The following KIF21B variants were observed in gnomAD, a reference collection of about 807,000 sequenced individuals.
The protein encoded by KIF21B is kinesin family member 21B, also known as kinesin-like protein KIF21B.
In KIF21B, 85 loss-of-function variants were observed where a neutral mutation model predicts 192.9. That is an observed-to-expected ratio of 0.44 (90% CI 0.37 to 0.53). The LOEUF is 0.53. Ranked by LOEUF, KIF21B falls within the 20% of genes least tolerant of loss-of-function variation. KIF21B has a pLI of 0.00. For missense variants in KIF21B, 1,716 were observed against 2,194.8 expected (o/e 0.78, Z 4.36); for synonymous variants, 832 against 884.6 (o/e 0.94, Z 1.05).
At chr1:201,005,133 C>A (rs1657732155) in intron 5 of KIF21B, among the ~76,000 whole-genome samples, 175 bp downstream of exon 5, 1 of 152,264 alleles carries the variant, frequency 6.6e-6, no homozygotes, top group South Asian at 2.1e-4. Flanking sequence ...ATACAGAGAT[C>A]ATTAAGCCAT....
In KIF21B at chr1:200,974,934, G is replaced by A. The variant is rs747288642; in HGVS notation, c.4615-21C>T. On this transcript the variant is annotated intron_variant, in intron 33 of 34. Transcript: ENST00000461742. ...ATTTGCTGTGAGAGGATCAGGGCTG[G>A]TGAGGGCTGGGGGAGGTGATGAGGG... is the stretch of plus-strand genomic sequence containing the variant. 4 of 1,610,640 alleles carry A rather than the reference G, an allele frequency of 2.5e-6. No individual in the cohort carries two copies. The Admixed American group carries it at 6.7e-5, about 27-fold the overall frequency.
At position 200,998,520 on chromosome 1, in the gene KIF21B, C is replaced by T. The variant is rs1170954194; in HGVS notation, c.1941G>A (p.Gln647=). Residue 647 remains glutamine (Q), a synonymous_variant, in exon 14 of 35, where the codon CAG becomes CAA. Coordinates refer to ENST00000461742, the MANE Select transcript of KIF21B (RefSeq NM_001252102.2). The surrounding 1 kb of genome is among the most constrained non-coding windows in gnomAD (Gnocchi z 4.3). ...ADLTCEIEIK[Q]KLIDELENSQ... ...TGTTCTCCAGCTCGTCGATCAGCTT[C>T]TGCTTGATTTCGATCTCACAAGTCA... The T allele has an allele frequency of 3.1e-6, 5 of 1,613,866 alleles. No individual in the cohort carries two copies. The highest frequency in any genetic ancestry group is 4.2e-6 in the Non-Finnish European group (5 of 1,180,036).
intron 14 of KIF21B, among the ~76,000 whole-genome samples, chr1:200,997,621 T>C (rs1055489011): frequency 3.9e-5 from 6 of 152,158 alleles, no homozygotes; most frequent in Admixed American, 2.0e-4. Flanking sequence ...CGGGCGCTTG[T>C]AGTCCCAGCT....
rs1658988900 is a variant in KIF21B, at chr1:201,023,457, C to A, written c.-74G>T. 28 of 1,173,648 alleles carry A rather than the reference C, an allele frequency of 2.4e-5. 1 individual carries two copies. In the South Asian group the frequency reaches 6.6e-4, roughly 28 times the overall value. The allele number at this position is 1,173,648 out of a possible 1,614,324, so 72.7% of individuals were successfully genotyped here. ...GGGCCAATGCCCGAGGCAGCGGCTG[C>A]GGCTGCGGGAGGCGGGGGCGCGGGC... On this transcript the variant is annotated 5_prime_UTR_variant, in exon 1 of 35. Coordinates refer to ENST00000461742, the MANE Select transcript of KIF21B (RefSeq NM_001252102.2). This position sits in a 1 kb window ranked among gnomAD's most constrained non-coding sequence, Gnocchi z 5.9.
chr1:201,023,372 CT>C lies in KIF21B; in HGVS notation c.11del (p.Gln4ArgfsTer65). ...CGGCCACCTTGACGCAGCAGTCCCC[CT>C]GGCCGGCCATGGCCCTCTGGAGCTA... MAGQGDCCVKVAVR... is the reference protein window; with the variant it reads MAGXGDCCVKVAVR... On this transcript the variant is annotated frameshift_variant, in exon 1 of 35. Transcript: ENST00000461742. LOFTEE classifies it high-confidence loss of function. The surrounding 1 kb of genome is among the most constrained non-coding windows in gnomAD (Gnocchi z 5.9). The C allele has an allele frequency of 6.5e-7, 1 of 1,528,244 alleles. No homozygotes were observed. The highest frequency in any genetic ancestry group is 8.8e-7 in the Non-Finnish European group (1 of 1,140,146). 94.7% of individuals were successfully genotyped at this position (1,528,244 alleles called of 1,614,324 possible).
chr1:201,002,392 C>T lies in KIF21B; in HGVS notation c.1213-42G>A, dbSNP rs758690029. ...AGGGGAGCAGTCAGGCAGCAGAGCT[C>T]GCGGTTGGGGGGGTAAGGGGCTGAT... On this transcript the variant is annotated intron_variant, in intron 8 of 34. Transcript: ENST00000461742. 2.1e-5 allele frequency: 33 copies of T among 1,586,092 alleles called. No homozygotes were observed. In the Admixed American group the frequency reaches 2.8e-4, roughly 14 times the overall value.
In KIF21B at chr1:201,003,695, C is replaced by A; in HGVS notation, c.1103G>T (p.Arg368Leu). ...CACTACCACCTTGTTCTTGATGTTG[C>A]GGGCCCGATTGGCATATTTGAGTGT... ...LNTLKYANRARNIKNKVVVNQ... is the reference protein window; with the variant it reads ...LNTLKYANRALNIKNKVVVNQ... The change falls in exon 8 of 35, where the codon CGC becomes CTC. Residue 368 changes from arginine to leucine, a missense_variant. This residue lies in a region of KIF21B where 1,087 missense variants were observed against 1,316.6 expected (regional missense o/e 0.83). Coordinates refer to ENST00000461742, the MANE Select transcript of KIF21B (RefSeq NM_001252102.2). The A allele has an allele frequency of 6.2e-7, 1 of 1,614,198 alleles. No individual in the cohort carries two copies.
intron 24 of KIF21B, among the ~76,000 whole-genome samples, chr1:200,987,466 AC>A (rs964012036): frequency 8.6e-5 from 13 of 151,454 alleles, no homozygotes; most frequent in African/African-American, 3.2e-4. Flanking sequence ...CTGGTCTTGA[AC>A]TCCTGGGCTC....
rs1357936034 is a variant in KIF21B, at chr1:200,999,646, C to A, written c.1768-180G>T. Among the ~76,000 whole-genome samples the A allele has an allele frequency of 6.6e-6, 1 of 151,932 alleles. No individual in the cohort carries two copies. The highest frequency in any genetic ancestry group is 1.5e-5 in the Non-Finnish European group (1 of 67,900). ...AGTGCCGCCTCCCCCAACACCACCG[C>A]AGAACCCCTCTAGGAGGGCCTCCCC... On this transcript the variant is annotated intron_variant, in intron 12 of 34. Coordinates refer to ENST00000461742, the MANE Select transcript of KIF21B (RefSeq NM_001252102.2). The surrounding 1 kb of genome is among the most constrained non-coding windows in gnomAD (Gnocchi z 4.7).
chr1:200,985,631 G>C (rs932543284), intron 26 of KIF21B, among the ~76,000 whole-genome samples: 2 of 152,242 alleles, frequency 1.3e-5, no homozygotes, highest in Admixed American at 6.5e-5. Flanking sequence ...GTCATCCTTC[G>C]ATCTACAGAA....
chr1:200,980,919 G>A, intron 29 of KIF21B, 41 bp downstream of exon 29: 2 of 1,596,196 alleles, frequency 1.3e-6, no homozygotes, highest in Non-Finnish European at 1.7e-6. Context: ...GGGGTGAGTA[G>A]GAGACCCCAA....
At chr1:200,989,083 AG>A (rs1656504980) in intron 21 of KIF21B, 152 bp from the exon 22 acceptor site, 1 of 727,420 alleles carries the variant, frequency 1.4e-6, no homozygotes, top group East Asian at 2.7e-5. Context: ...GAGCACCGCC[AG>A]CCCCCTTAGC....
In KIF21B at chr1:201,005,617, C is replaced by T; in HGVS notation, c.525G>A (p.Lys175=). ...PDTRHRRSNI[K]IHEDANGGIY... is the part of the protein sequence containing the mutation. ...TGCCACCGTTTGCGTCCTCGTGGATCTTGATGTTGGACCTGCGGTGGCGGG... is the reference window on the plus strand; with the variant it reads ...TGCCACCGTTTGCGTCCTCGTGGATTTTGATGTTGGACCTGCGGTGGCGGG... Residue 175 remains lysine (K), a synonymous_variant, in exon 4 of 35, where the codon AAG becomes AAA. Coordinates refer to ENST00000461742, the MANE Select transcript of KIF21B (RefSeq NM_001252102.2). 2 of 1,613,654 alleles carry T rather than the reference C, an allele frequency of 1.2e-6. No individual in the cohort carries two copies. Among genetic ancestry groups the T allele is most frequent in the Non-Finnish European group, 1.7e-6 (2 of 1,179,830 alleles).
intron 3 of KIF21B, among the ~76,000 whole-genome samples, chr1:201,007,553 CACAA>C (rs1319078648): frequency 6.0e-5 from 9 of 151,072 alleles, no homozygotes; most frequent in African/African-American, 1.7e-4. Context: ...GACACCCACA[CACAA>C]ACACAGAGAC....
Position 200,990,029 on chromosome 1 carries a change from G to A in KIF21B, c.3045C>T (p.Ser1015=). The A allele has an allele frequency of 3.7e-6, 6 of 1,613,938 alleles. No individual in the cohort carries two copies. In the African/African-American group the frequency reaches 4.0e-5, roughly 11 times the overall value. Residue 1015 remains serine, a synonymous_variant, in exon 21 of 35, where the codon TCC becomes TCT. Transcript: ENST00000461742. This position sits in a 1 kb window ranked among gnomAD's most constrained non-coding sequence, Gnocchi z 5.4. ...QLEETKEELD[S]TDTSVVISSC... ...AGCTGATGACCACGGATGTGTCTGT[G>A]GAGTCCAGCTCCTCCTAGGACCGGG...
chr1:200,989,862 C>A, intron 21 of KIF21B, 80 bp downstream of exon 21: 1 of 1,147,936 alleles, frequency 8.7e-7, no homozygotes. Flanking sequence ...AGGCGCCAGG[C>A]CCCTGGGCTT....
In KIF21B at chr1:200,999,636, A is replaced by G. The variant is rs1160497041; in HGVS notation, c.1768-170T>C. Among the ~76,000 whole-genome samples, 1 of 99,298 alleles carries G rather than the reference A, an allele frequency of 1.0e-5. No homozygotes were observed. The highest frequency in any genetic ancestry group is 2.1e-5 in the Non-Finnish European group (1 of 48,472). The allele number at this position is 99,298 out of a possible 152,430, so 65.1% of individuals were successfully genotyped here. On this transcript the variant is annotated intron_variant, in intron 12 of 34. Transcript: ENST00000461742. The surrounding 1 kb of genome is among the most constrained non-coding windows in gnomAD (Gnocchi z 4.7). ...CTCCTGGAAGAGTGCCGCCTCCCCC[A>G]ACACCACCGCAGAACCCCTCTAGGA...
intron 8 of KIF21B, 115 bp downstream of exon 8, chr1:201,003,471 T>G: frequency 1.0e-6 from 1 of 998,434 alleles, no homozygotes; most frequent in Non-Finnish European, 1.5e-6. Flanking sequence ...TGGATGATGG[T>G]AATAGGGAGG....
At chr1:201,014,016 G>A (rs1195436106) in intron 1 of KIF21B, among the ~76,000 whole-genome samples, 1 of 152,202 alleles carries the variant, frequency 6.6e-6, no homozygotes, top group Non-Finnish European at 1.5e-5. Flanking sequence ...AAGGCCCCCG[G>A]AATCTCCCAG....
Sources: gnomAD v4.1 joint callset for allele counts (sites outside exome capture counted in the v4.1 genomes callset) on GRCh38, gnomAD v4.1.1 for gene constraint, gnomAD v4.1.1 regional missense constraint, Gnocchi (gnomAD v3.1) non-coding constraint, MANE v1.5 for transcripts, NCBI Gene and HGNC (gene_info 2026-07-23, HGNC 2026-07-21) for gene names.